Variants in ADGRL4 observed in about 807,000 individuals in gnomAD.
ADGRL4 encodes the protein EGF, latrophilin and seven transmembrane domain containing 1.
A neutral mutation model predicts 74.8 loss-of-function variants in ADGRL4; 90 were observed. The observed-to-expected ratio is 1.20, with a 90% CI of 1.02 to 1.43. The LOEUF (loss-of-function observed/expected upper bound fraction) is 1.43, where lower values mean the gene tolerates loss of function less well. ADGRL4 is among the 40% of genes most tolerant of loss of function. ADGRL4 has a pLI of 0.00. For missense variants in ADGRL4, 881 were observed against 814.3 expected, an observed-to-expected ratio of 1.08 and a Z score of -1.00; for synonymous variants, 311 against 279.2, an observed-to-expected ratio of 1.11 and a Z score of -1.14.
chr1:78,907,610 G>A (rs2100660154), intron 12 of ADGRL4, among the ~76,000 whole-genome samples: 1 of 152,050 alleles, frequency 6.6e-6, no homozygotes, highest in African/African-American at 2.4e-5. Context: ...ACTTATTATG[G>A]ACTAATGAAT....
chr1:78,993,176 C>T (rs1040820237), intron 2 of ADGRL4, among the ~76,000 whole-genome samples: 1 of 151,816 alleles, frequency 6.6e-6, no homozygotes, highest in African/African-American at 2.4e-5. Context: ...ATTGGCAATA[C>T]AAAAGTTCTC....
chr1:78,963,964 G>A (rs1462208151), intron 2 of ADGRL4, among the ~76,000 whole-genome samples: 1 of 152,138 alleles, frequency 6.6e-6, no homozygotes, highest in African/African-American at 2.4e-5. Context: ...ATTGCCTAAA[G>A]GGTCAGTTAG....
intron 2 of ADGRL4, among the ~76,000 whole-genome samples, chr1:78,959,197 T>G (rs1028821713): frequency 1.3e-5 from 2 of 152,226 alleles, no homozygotes; most frequent in Admixed American, 1.3e-4. Context: ...GAACCAAATT[T>G]ACAATATCTC....
intron 2 of ADGRL4, among the ~76,000 whole-genome samples, chr1:78,967,068 T>G (rs889840463): frequency 2.6e-5 from 4 of 152,152 alleles, no homozygotes; most frequent in African/African-American, 9.7e-5. Flanking sequence ...GGAAGACAAG[T>G]GCTTGGATCA....
At chr1:78,956,664 A>G (rs1387421) in intron 2 of ADGRL4, among the ~76,000 whole-genome samples, 43,989 of 152,118 alleles carry the variant, frequency 0.29, 6,420 homozygotes, top group Middle Eastern at 0.33. Context: ...AAAATGTAAT[A>G]TTGTTGACAA....
intron 2 of ADGRL4, among the ~76,000 whole-genome samples, chr1:78,988,499 G>T (rs977476441): frequency 3.3e-5 from 5 of 151,982 alleles, no homozygotes; most frequent in African/African-American, 1.2e-4. Context: ...AAATTAAACT[G>T]TAACTCAGAA....
At chr1:78,939,123 A>G (rs1472520974) in intron 4 of ADGRL4, 65 bp downstream of exon 4, 2 of 1,460,120 alleles carry the variant, frequency 1.4e-6, no homozygotes, top group East Asian at 5.2e-5. Context: ...AATGTGTGAC[A>G]TTGAAAGCAT....
intron 2 of ADGRL4, among the ~76,000 whole-genome samples, chr1:78,965,006 C>T (rs1208992235): frequency 8.4e-6 from 1 of 119,202 alleles, no homozygotes; most frequent in African/African-American, 3.2e-5. Context: ...AAAAAAGAGA[C>T]AGTGGCTGTA....
At chr1:78,929,702 CAA>C (rs1318809853) in intron 7 of ADGRL4, among the ~76,000 whole-genome samples, 2 of 151,408 alleles carry the variant, frequency 1.3e-5, no homozygotes, top group African/African-American at 2.5e-5. Flanking sequence ...TTTTAAGATA[CAA>C]CCTTGAGAAA....
At chr1:78,948,346 G>A (rs1351740531) in intron 2 of ADGRL4, among the ~76,000 whole-genome samples, 1 of 152,092 alleles carries the variant, frequency 6.6e-6, no homozygotes, top group Non-Finnish European at 1.5e-5. Context: ...ATTCCATCAG[G>A]AGTCAGACAA....
intron 2 of ADGRL4, among the ~76,000 whole-genome samples, chr1:78,965,792 T>C (rs934462106): frequency 8.5e-5 from 13 of 152,098 alleles, no homozygotes; most frequent in Non-Finnish European, 5.9e-5. Flanking sequence ...ATACTAAAAG[T>C]ACAGACATCT....
chr1:78,899,572 C>G (rs1648475347), intron 12 of ADGRL4, among the ~76,000 whole-genome samples: 1 of 152,138 alleles, frequency 6.6e-6, no homozygotes, highest in Non-Finnish European at 1.5e-5. Flanking sequence ...CCAAGCTGTT[C>G]TCAAACTTCT....
chr1:78,992,983 AGTT>A (rs1383180973), intron 2 of ADGRL4, among the ~76,000 whole-genome samples: 1 of 152,128 alleles, frequency 6.6e-6, no homozygotes, highest in Non-Finnish European at 1.5e-5. Flanking sequence ...GAATTTCTTA[AGTT>A]ATTTTTTTCT....
At chr1:78,906,635 T>TA (rs1648643855) in intron 12 of ADGRL4, among the ~76,000 whole-genome samples, 2 of 151,964 alleles carry the variant, frequency 1.3e-5, no homozygotes, top group Admixed American at 6.6e-5. Flanking sequence ...CTTCTTAAGA[T>TA]ATAAGCAATG....
intron 12 of ADGRL4, among the ~76,000 whole-genome samples, chr1:78,915,413 A>G (rs1484761327): frequency 1.8e-4 from 27 of 151,898 alleles, no homozygotes; most frequent in South Asian, 1.0e-3. Flanking sequence ...TGATAATTTT[A>G]CTCTTACTAT....
chr1:78,919,926 T>TTTATTA (rs1648960381), intron 10 of ADGRL4, among the ~76,000 whole-genome samples: 1 of 151,992 alleles, frequency 6.6e-6, no homozygotes, highest in Non-Finnish European at 1.5e-5. Context: ...CAAAAAAGTA[T>TTTATTA]TTATTCAGTT....
Position 78,987,612 on chromosome 1 carries a change from C to A in ADGRL4, c.172+17458G>T, listed in dbSNP as rs186306670. On this transcript the variant is annotated intron_variant, in intron 2 of 14. Coordinates refer to ENST00000370742, the MANE Select transcript of ADGRL4 (RefSeq NM_022159.4). ...AAGGGATACCATGATGGTTATCTAG[C>A]TGGTAGAAGAACAAAGTATGTTATT... Among the ~76,000 whole-genome samples, 519 of 151,848 alleles carry A rather than the reference C, an allele frequency of 3.4e-3. 3 individuals carry two copies. Among genetic ancestry groups the A allele is most frequent in the African/African-American group, 0.012 (500 of 41,522 alleles).
At chr1:79,002,253 C>G (rs1372645892) in intron 2 of ADGRL4, among the ~76,000 whole-genome samples, 2 of 152,084 alleles carry the variant, frequency 1.3e-5, no homozygotes, top group Non-Finnish European at 2.9e-5. Flanking sequence ...TGCTATTGCT[C>G]AAAACATCTC....
chr1:78,971,441 C>A (rs376545640), intron 2 of ADGRL4, among the ~76,000 whole-genome samples: 3 of 152,028 alleles, frequency 2.0e-5, no homozygotes, highest in Non-Finnish European at 1.5e-5. Context: ...TAGGGTGGAG[C>A]CATGGGAAGT....
Sources: allele counts gnomAD v4.1 joint callset (sites outside exome capture counted in the v4.1 genomes callset), GRCh38; gene constraint gnomAD v4.1.1; transcripts MANE v1.5; gene names NCBI Gene and HGNC (gene_info 2026-07-23, HGNC 2026-07-21).